TNFRSF8: variants seen among roughly 807,000 people sequenced by gnomAD.
The protein encoded by TNFRSF8 is TNF receptor superfamily member 8.
Under a neutral mutation model 70.8 loss-of-function variants are expected in TNFRSF8, and 26 were observed. The ratio of observed to expected loss-of-function variants is 0.37; its 90% CI spans 0.27 to 0.51. The LOEUF (loss-of-function observed/expected upper bound fraction) is 0.51, where lower values mean the gene tolerates loss of function less well. Ranked by LOEUF, TNFRSF8 falls within the 20% of genes least tolerant of loss-of-function variation. TNFRSF8 has a pLI of 0.94. For missense variants in TNFRSF8, 720 were observed against 807.9 expected, an observed-to-expected ratio of 0.89 and a Z score of 1.32; for synonymous variants, 356 against 339.2, an observed-to-expected ratio of 1.05 and a Z score of -0.54.
intron 2 of TNFRSF8, among the ~76,000 whole-genome samples, chr1:12,087,563 C>T (rs1019132462): frequency 6.6e-6 from 1 of 152,198 alleles, no homozygotes; most frequent in African/African-American, 2.4e-5. Context: ...CTCCATGAGG[C>T]CTTCCCTTGC....
intron 8 of TNFRSF8, among the ~76,000 whole-genome samples, chr1:12,117,325 T>C (rs1641750127): frequency 6.6e-6 from 1 of 152,114 alleles, no homozygotes; most frequent in African/African-American, 2.4e-5. Flanking sequence ...TCAAGTGATC[T>C]GCCCGCCTCC....
intron 2 of TNFRSF8, among the ~76,000 whole-genome samples, chr1:12,087,165 CTT>C (rs71230982): frequency 1.2e-5 from 1 of 83,938 alleles, no homozygotes; most frequent in Non-Finnish European, 2.4e-5. Context: ...CTCTCTCTCT[CTT>C]TTTTTTTTTT....
At chr1:12,139,822 GA>G (rs1243749816) in intron 14 of TNFRSF8, among the ~76,000 whole-genome samples, 8 of 152,294 alleles carry the variant, frequency 5.3e-5, no homozygotes, top group Non-Finnish European at 8.8e-5. Flanking sequence ...TTTTAGTAGA[GA>G]TGGGGTTTCA....
chr1:12,065,593 T>C (rs1640726498), intron 1 of TNFRSF8, among the ~76,000 whole-genome samples: 1 of 152,204 alleles, frequency 6.6e-6, no homozygotes, highest in Non-Finnish European at 1.5e-5. Flanking sequence ...ATTTATATTG[T>C]TTTAATAGAC....
chr1:12,114,694 CT>C (rs542462017), intron 7 of TNFRSF8, among the ~76,000 whole-genome samples: 1,005 of 76,908 alleles, frequency 0.013, 11 homozygotes, highest in African/African-American at 0.053. Context: ...GAAAAAAAAT[CT>C]TTTTTTTTTT....
At chr1:12,090,115 C>A (rs1325400173) in intron 2 of TNFRSF8, among the ~76,000 whole-genome samples, 1 of 149,246 alleles carries the variant, frequency 6.7e-6, no homozygotes, top group Non-Finnish European at 1.5e-5. Flanking sequence ...TCTATCCACC[C>A]ATCTATCCAC....
intron 3 of TNFRSF8, among the ~76,000 whole-genome samples, chr1:12,104,159 A>G (rs919151494): frequency 2.0e-5 from 3 of 152,152 alleles, no homozygotes; most frequent in Non-Finnish European, 4.4e-5. Flanking sequence ...AGCAATATGT[A>G]TCTAAGTTTC....
At chr1:12,099,302 G>A (rs1278294825) in intron 3 of TNFRSF8, among the ~76,000 whole-genome samples, 1 of 151,904 alleles carries the variant, frequency 6.6e-6, no homozygotes, top group Non-Finnish European at 1.5e-5. Context: ...GCACCACCAC[G>A]CCTGGCTAAT....
Position 12,141,281 on chromosome 1 carries a change from C to G in TNFRSF8, c.1544-1006C>G, listed in dbSNP as rs1221719954. The stretch of plus-strand genomic sequence containing the variant: ...GCTTCCCCATTCTGGCCTCCAGAGT[C>G]CAGCGCAGAACAGCTGGGAGCCAGC... On this transcript the variant is annotated intron_variant, in intron 14 of 14. Transcript: ENST00000263932. The surrounding 1 kb of genome is among the most constrained non-coding windows in gnomAD (Gnocchi z 5.4). Among the ~76,000 whole-genome samples, 3 of 151,978 alleles carry G rather than the reference C, an allele frequency of 2.0e-5. No individual in the cohort carries two copies. Among genetic ancestry groups the G allele is most frequent in the East Asian group, 3.9e-4 (2 of 5,168 alleles).
At position 12,109,735 on chromosome 1, in the gene TNFRSF8, TG is replaced by T. The variant is rs1641594695; in HGVS notation, c.512+81del. 8.1e-7 allele frequency: 1 copy of T among 1,238,106 alleles called. No homozygotes were observed. Among genetic ancestry groups the T allele is most frequent in the Non-Finnish European group, 1.2e-6 (1 of 853,234 alleles). 76.7% of individuals were successfully genotyped at this position (1,238,106 alleles called of 1,614,324 possible). A position where few individuals can be genotyped will look rare whatever the true frequency, so the allele number is the denominator to read the frequency against. Reference sequence around the variant, plus strand: ...GCTGCCCCACCCCACAGGACGCCCATGGTACAACTGGGCTGGGGGTGTAAGC... The same window carrying T: ...GCTGCCCCACCCCACAGGACGCCCATGTACAACTGGGCTGGGGGTGTAAGC... On this transcript the variant is annotated intron_variant, in intron 5 of 14. Coordinates refer to ENST00000263932, the MANE Select transcript of TNFRSF8 (RefSeq NM_001243.5). The surrounding 1 kb of genome is among the most constrained non-coding windows in gnomAD (Gnocchi z 4.4).
At chr1:12,121,411 T>A (rs1641826922) in intron 8 of TNFRSF8, among the ~76,000 whole-genome samples, 1 of 152,060 alleles carries the variant, frequency 6.6e-6, no homozygotes, top group African/African-American at 2.4e-5. Flanking sequence ...CAAAAAGGGG[T>A]GCCTCCACCA....
chr1:12,067,032 T>C (rs1347908329), intron 1 of TNFRSF8, among the ~76,000 whole-genome samples: 1 of 152,226 alleles, frequency 6.6e-6, no homozygotes, highest in Non-Finnish European at 1.5e-5. Context: ...CAGGAATGCT[T>C]TCTTGCTAGC....
At chr1:12,123,434 C>A in intron 9 of TNFRSF8, 57 bp downstream of exon 9, 1 of 1,493,022 alleles carries the variant, frequency 6.7e-7, no homozygotes, top group Non-Finnish European at 9.1e-7. Context: ...CTGTCCCTGC[C>A]ATGCCCAGGG....
intron 2 of TNFRSF8, among the ~76,000 whole-genome samples, chr1:12,085,574 C>A (rs987292333): frequency 6.6e-6 from 1 of 152,178 alleles, no homozygotes; most frequent in East Asian, 1.9e-4. Flanking sequence ...TTGACTGCCC[C>A]AGCTCAGGAC....
chr1:12,063,579 C>T lies in TNFRSF8; in HGVS notation c.-20C>T, dbSNP rs181035575. Reference sequence around the variant, plus strand: ...CAGGTGGGCGCCGGCCGCCAGGCCACCTCACGTCCGGCCCCGGGGATGCGC... The same window carrying T: ...CAGGTGGGCGCCGGCCGCCAGGCCATCTCACGTCCGGCCCCGGGGATGCGC... On this transcript the variant is annotated 5_prime_UTR_variant, in exon 1 of 15. Coordinates refer to ENST00000263932, the MANE Select transcript of TNFRSF8 (RefSeq NM_001243.5). The surrounding 1 kb of genome is among the most constrained non-coding windows in gnomAD (Gnocchi z 7.2). 2.2e-5 allele frequency: 29 copies of T among 1,312,448 alleles called. No individual in the cohort carries two copies. The highest frequency in any genetic ancestry group is 2.6e-5 in the Non-Finnish European group (27 of 1,023,110). The allele number at this position is 1,312,448 out of a possible 1,614,324, so 81.3% of individuals were successfully genotyped here.
intron 1 of TNFRSF8, among the ~76,000 whole-genome samples, chr1:12,082,797 A>G (rs1641089486): frequency 6.6e-6 from 1 of 152,190 alleles, no homozygotes; most frequent in Non-Finnish European, 1.5e-5. Context: ...AAAAGAAAAG[A>G]TTAGTATATG....
Position 12,105,426 on chromosome 1 carries a change from C to T in TNFRSF8, c.421+895C>T, listed in dbSNP as rs75527299. Among the ~76,000 whole-genome samples the T allele has an allele frequency of 6.3e-3, 962 of 152,210 alleles. 10 individuals carry two copies. The highest frequency in any genetic ancestry group is 0.022 in the African/African-American group (903 of 41,516). ...TCCTCGAGTCCTGTAGATTTGGCCT[C>T]CAATTATCTTCCCCACCTTCTCACC... On this transcript the variant is annotated intron_variant, in intron 4 of 14. Coordinates refer to ENST00000263932, the MANE Select transcript of TNFRSF8 (RefSeq NM_001243.5).
At chr1:12,140,329 C>T (rs950186936) in intron 14 of TNFRSF8, among the ~76,000 whole-genome samples, 2 of 152,178 alleles carry the variant, frequency 1.3e-5, no homozygotes, top group East Asian at 1.9e-4. Flanking sequence ...CCCAGGGTAG[C>T]GTTCCCCCTT....
In TNFRSF8 at chr1:12,074,743, A is replaced by G. The variant is rs143404130; in HGVS notation, c.64-9721A>G. Among the ~76,000 whole-genome samples the G allele has an allele frequency of 1.7e-4, 26 of 152,266 alleles. No individual in the cohort carries two copies. In the East Asian group the frequency reaches 4.3e-3, roughly 25 times the overall value. On this transcript the variant is annotated intron_variant, in intron 1 of 14. Transcript: ENST00000263932. ...GGTTCTGAGAAGCCCCGTGATCTAA[A>G]ATGGAAACCTCTCGAATGGACTCCA...
Sources: gnomAD v4.1 joint callset for allele counts (sites outside exome capture counted in the v4.1 genomes callset) on GRCh38, gnomAD v4.1.1 for gene constraint, Gnocchi (gnomAD v3.1) non-coding constraint, MANE v1.5 for transcripts, NCBI Gene and HGNC (gene_info 2026-07-23, HGNC 2026-07-21) for gene names.